The following CAPN13 variants were observed in gnomAD, a reference collection of about 807,000 sequenced individuals.
CAPN13 encodes calpain 13, also known as calpain-13.
A neutral mutation model predicts 98.4 loss-of-function variants in CAPN13; 90 were observed. That is an observed-to-expected ratio of 0.92 (90% CI 0.77 to 1.09). CAPN13 has a LOEUF of 1.09. Among genes scored for constraint, CAPN13 ranks in the 50% least tolerant of loss-of-function variants. CAPN13 has a pLI of 0.00. For synonymous variants in CAPN13, 330 were observed against 305.5 expected (o/e 1.08, Z -0.84); for missense variants, 887 against 841.3 (o/e 1.05, Z -0.67).
At chr2:30,732,202 G>C (rs182380539) in intron 20 of CAPN13, among the ~76,000 whole-genome samples, 6 of 152,126 alleles carry the variant, frequency 3.9e-5, no homozygotes, top group African/African-American at 1.4e-4. Context: ...CTGAGAGAGG[G>C]GCTGGTCAGG....
intron 1 of CAPN13, among the ~76,000 whole-genome samples, chr2:30,803,039 C>T (rs1675385756): frequency 6.6e-6 from 1 of 152,178 alleles, no homozygotes; most frequent in Admixed American, 6.5e-5. Flanking sequence ...TGCAGAAAGC[C>T]TCTGCCCTCA....
chr2:30,726,768 T>C (rs2681682), intron 22 of CAPN13, among the ~76,000 whole-genome samples: 72,987 of 151,920 alleles, frequency 0.48, 18,229 homozygotes, highest in East Asian at 0.65. Context: ...TTTTATATTG[T>C]GAAGATGGCA....
At chr2:30,758,475 G>T (rs1464981468) in intron 7 of CAPN13, among the ~76,000 whole-genome samples, 2 of 152,162 alleles carry the variant, frequency 1.3e-5, no homozygotes, top group Admixed American at 1.3e-4. Context: ...GGGCTGCAGA[G>T]AATTTTATGG....
chr2:30,782,419 G>A (rs530013116), intron 2 of CAPN13, among the ~76,000 whole-genome samples: 3 of 152,336 alleles, frequency 2.0e-5, no homozygotes, highest in Admixed American at 1.3e-4. Context: ...CTGGCTGAAT[G>A]ACACTTGGCT....
At chr2:30,734,613 C>T (rs1447994665) in intron 18 of CAPN13, 89 bp from the exon 19 acceptor site, 13 of 1,042,256 alleles carry the variant, frequency 1.2e-5, no homozygotes, top group Non-Finnish European at 1.8e-5. Flanking sequence ...CTTCCCTAAA[C>T]CTCAGAGGAA....
At chr2:30,797,261 G>A (rs571658957) in intron 1 of CAPN13, among the ~76,000 whole-genome samples, 1 of 152,084 alleles carries the variant, frequency 6.6e-6, no homozygotes, top group East Asian at 1.9e-4. Context: ...CCCCACAACT[G>A]TACTCCCAAC....
chr2:30,766,292 G>A (rs776870034), intron 5 of CAPN13, among the ~76,000 whole-genome samples: 7 of 152,186 alleles, frequency 4.6e-5, no homozygotes, highest in Non-Finnish European at 8.8e-5. Context: ...CTGACGTCCT[G>A]CACCCACAGC....
intron 7 of CAPN13, among the ~76,000 whole-genome samples, chr2:30,760,168 C>T (rs1672768273): frequency 2.6e-5 from 4 of 152,186 alleles, no homozygotes; most frequent in Admixed American, 2.6e-4. Context: ...CTGCAAGCTC[C>T]GCCTCCCGGG....
At chr2:30,740,496 A>G (rs1671601149) in intron 15 of CAPN13, among the ~76,000 whole-genome samples, 2 of 152,230 alleles carry the variant, frequency 1.3e-5, no homozygotes, top group Admixed American at 1.3e-4. Context: ...TCTTTGGAGG[A>G]CACAGACCCT....
chr2:30,790,891 T>C (rs991466606), intron 1 of CAPN13, among the ~76,000 whole-genome samples: 6 of 152,160 alleles, frequency 3.9e-5, no homozygotes, highest in Admixed American at 3.9e-4. Flanking sequence ...GGGGAAGAGA[T>C]CTTTCCCTCA....
At chr2:30,723,692 C>T (rs913699159) in intron 22 of CAPN13, among the ~76,000 whole-genome samples, 1 of 152,144 alleles carries the variant, frequency 6.6e-6, no homozygotes, top group African/African-American at 2.4e-5. Context: ...AGTGGTTTTT[C>T]TCAAGTGCAG....
At chr2:30,745,263 T>G (rs1252669755) in intron 12 of CAPN13, 1 of 473,442 alleles carries the variant, frequency 2.1e-6, no homozygotes, top group African/African-American at 2.0e-5. Context: ...AGCCAGATGA[T>G]CTGTTTAGGA....
chr2:30,776,172 G>C, intron 3 of CAPN13, 127 bp from the exon 4 acceptor site: 2 of 580,104 alleles, frequency 3.4e-6, no homozygotes, highest in Non-Finnish European at 6.0e-6. Context: ...TTTTTCCTCT[G>C]AGAGAGGAGA....
chr2:30,806,961 G>A (rs1197504889), intron 1 of CAPN13, among the ~76,000 whole-genome samples: 1 of 152,166 alleles, frequency 6.6e-6, no homozygotes, highest in Non-Finnish European at 1.5e-5. Context: ...CCATCAATGT[G>A]TCCCTTACGG....
chr2:30,804,907 G>T (rs760018324), intron 1 of CAPN13, among the ~76,000 whole-genome samples: 2 of 152,212 alleles, frequency 1.3e-5, no homozygotes, highest in African/African-American at 2.4e-5. Context: ...GAACATTAGT[G>T]CTGTACGCAG....
chr2:30,807,397 G>C lies in CAPN13; in HGVS notation c.-128C>G, dbSNP rs914524728. 1.3e-5 allele frequency: 2 copies of C among 152,786 alleles called. No homozygotes were observed. The highest frequency in any genetic ancestry group is 4.8e-5 in the African/African-American group (2 of 41,574). 9.5% of individuals were successfully genotyped at this position (152,786 alleles called of 1,614,324 possible). ...AGTGGTGGAGGAGACTGGCAGAGGA[G>C]GAGAGCATGGCCGGCCGTCTTGGAG... On this transcript the variant is annotated 5_prime_UTR_variant, in exon 1 of 23. Transcript: ENST00000295055.
chr2:30,764,319 G>A lies in CAPN13; in HGVS notation c.525-13C>T. The A allele has an allele frequency of 6.2e-7, 1 of 1,612,470 alleles. No individual in the cohort carries two copies. Among genetic ancestry groups the A allele is most frequent in the Non-Finnish European group, 8.5e-7 (1 of 1,179,324 alleles). On this transcript the variant is annotated splice_polypyrimidine_tract_variant and intron_variant, in intron 5 of 22. Transcript: ENST00000295055. ...GGATCCGAGCAGCCTGGGAGGGAATGGGGGATGAACCATCGTGGTGCCTTT... is the reference window on the plus strand; with the variant it reads ...GGATCCGAGCAGCCTGGGAGGGAATAGGGGATGAACCATCGTGGTGCCTTT...
intron 19 of CAPN13, 64 bp downstream of exon 19, chr2:30,734,385 G>T: frequency 8.0e-7 from 1 of 1,253,622 alleles, no homozygotes. Flanking sequence ...CTTGCTACTA[G>T]GGGTGTGGGC....
At chr2:30,801,762 G>A (rs928850663) in intron 1 of CAPN13, among the ~76,000 whole-genome samples, 3 of 152,128 alleles carry the variant, frequency 2.0e-5, no homozygotes, top group Non-Finnish European at 4.4e-5. Context: ...CAGGGATGGA[G>A]ACTGAGGAAG....
Sources: allele counts gnomAD v4.1 joint callset (sites outside exome capture counted in the v4.1 genomes callset), GRCh38; gene constraint gnomAD v4.1.1; transcripts MANE v1.5; gene names NCBI Gene and HGNC (gene_info 2026-07-23, HGNC 2026-07-21).